Variants in EXOC6B observed in about 807,000 individuals in gnomAD.
The protein encoded by EXOC6B is SEC15 homolog B.
EXOC6B carries 54 observed loss-of-function variants against 113.5 expected under a neutral mutation model. The observed-to-expected ratio is 0.48, with a 90% CI of 0.38 to 0.60. The LOEUF (loss-of-function observed/expected upper bound fraction) is 0.60, where lower values mean the gene tolerates loss of function less well. EXOC6B is among the 20% of genes least tolerant of loss of function. EXOC6B has a pLI of 0.00. For synonymous variants in EXOC6B, 357 were observed against 339.0 expected, an observed-to-expected ratio of 1.05 and a Z score of -0.58; for missense variants, 797 against 977.5, an observed-to-expected ratio of 0.82 and a Z score of 2.46.
rs892375324 is a variant in EXOC6B at position 72,492,533 on chromosome 2, G to A, written c.1554-104C>T. The A allele has an allele frequency of 4.8e-6, 3 of 624,340 alleles. No homozygotes were observed. In the African/African-American group the frequency reaches 5.5e-5, roughly 11 times the overall value. 38.7% of individuals were successfully genotyped at this position (624,340 alleles called of 1,614,324 possible). ...TGGTAATAATAATAAAATAATAATAGCAGCAGCAAATAATACTTATTGTAA... is the reference window on the plus strand; with the variant it reads ...TGGTAATAATAATAAAATAATAATAACAGCAGCAAATAATACTTATTGTAA... On this transcript the variant is annotated intron_variant, in intron 15 of 21. Coordinates refer to ENST00000272427, the MANE Select transcript of EXOC6B (RefSeq NM_015189.3).
chr2:72,347,964 A>G (rs535286049), intron 19 of EXOC6B, among the ~76,000 whole-genome samples: 5 of 152,328 alleles, frequency 3.3e-5, no homozygotes, highest in Admixed American at 1.3e-4. Context: ...GGAAATGCCC[A>G]TGATACTACA....
intron 1 of EXOC6B, among the ~76,000 whole-genome samples, chr2:72,745,399 A>G (rs1359279447): frequency 2.0e-5 from 3 of 152,158 alleles, no homozygotes; most frequent in African/African-American, 7.2e-5. Context: ...CTCTTTAATT[A>G]TTATGCAGAA....
chr2:72,793,579 G>C (rs1018684361), intron 1 of EXOC6B, among the ~76,000 whole-genome samples: 16 of 152,296 alleles, frequency 1.1e-4, no homozygotes, highest in African/African-American at 3.6e-4. Context: ...GACTGAACTA[G>C]CTGGAGGAGT....
intron 6 of EXOC6B, among the ~76,000 whole-genome samples, chr2:72,636,377 G>GAAGGAAGGAAGGAAGC (rs1423538257): frequency 8.7e-4 from 127 of 146,244 alleles, no homozygotes; most frequent in African/African-American, 3.1e-3. Flanking sequence ...AGGAAGCAAG[G>GAAGGAAGGAAGGAAGC]AAGCAAGGAA....
At chr2:72,823,479 CA>C (rs1214480106) in intron 1 of EXOC6B, among the ~76,000 whole-genome samples, 1 of 95,344 alleles carries the variant, frequency 1.0e-5, no homozygotes, top group Non-Finnish European at 1.8e-5. Context: ...AAAAAAAAAA[CA>C]AAAAACAAAA....
chr2:72,463,605 T>A (rs1697850801), intron 18 of EXOC6B: 1 of 152,108 alleles, frequency 6.6e-6, no homozygotes, highest in Admixed American at 6.6e-5. Context: ...CAGTTAGAGG[T>A]TTGAGGACTA....
intron 19 of EXOC6B, among the ~76,000 whole-genome samples, chr2:72,352,385 C>T (rs1018955005): frequency 3.9e-5 from 6 of 152,138 alleles, no homozygotes; most frequent in African/African-American, 1.4e-4. Flanking sequence ...TTTGGAACGT[C>T]AGGTTTTCTA....
intron 1 of EXOC6B, among the ~76,000 whole-genome samples, chr2:72,818,824 A>T (rs1259656929): frequency 1.3e-5 from 2 of 152,084 alleles, no homozygotes; most frequent in Non-Finnish European, 1.5e-5. Context: ...TCCCCTTTGT[A>T]TGGAAGGTAT....
rs35008092 is a variant in EXOC6B at position 72,619,966 on chromosome 2, A to G, written c.670-44298T>C. Among the ~76,000 whole-genome samples the G allele has an allele frequency of 6.3e-3, 962 of 152,352 alleles. 3 individuals are homozygous for G. The highest frequency in any genetic ancestry group is 0.01 in the Non-Finnish European group (708 of 68,040). On this transcript the variant is annotated intron_variant, in intron 6 of 21. Transcript: ENST00000272427. ...GACTTCCCATATCCCTCTGGCAGGC[A>G]CTGCCCCAACTGACCTCTGATGAAG...
chr2:72,583,804 A>G (rs1705375225), intron 6 of EXOC6B, among the ~76,000 whole-genome samples: 1 of 151,782 alleles, frequency 6.6e-6, no homozygotes, highest in South Asian at 2.1e-4. Context: ...CACTGCAACC[A>G]CCACCTCCTG....
intron 20 of EXOC6B, among the ~76,000 whole-genome samples, chr2:72,286,663 T>C (rs1157891775): frequency 2.0e-5 from 3 of 152,146 alleles, no homozygotes; most frequent in Non-Finnish European, 4.4e-5. Flanking sequence ...GATAATGATA[T>C]GTCAGTGTAG....
At chr2:72,232,661 A>G (rs1681700592) in intron 20 of EXOC6B, among the ~76,000 whole-genome samples, 2 of 152,364 alleles carry the variant, frequency 1.3e-5, no homozygotes, top group South Asian at 4.1e-4. Flanking sequence ...AGATGCTCAT[A>G]ACATTAAGTG....
At chr2:72,505,503 A>G (rs1700550653) in intron 11 of EXOC6B, among the ~76,000 whole-genome samples, 1 of 152,182 alleles carries the variant, frequency 6.6e-6, no homozygotes, top group Non-Finnish European at 1.5e-5. Flanking sequence ...GTCTTAAGGA[A>G]TCTCTCACTT....
intron 8 of EXOC6B, among the ~76,000 whole-genome samples, chr2:72,552,327 G>A (rs751989033): frequency 2.6e-5 from 4 of 152,200 alleles, no homozygotes; most frequent in South Asian, 2.1e-4. Context: ...CCAAACATAC[G>A]ATTGAAGAGA....
At chr2:72,608,228 G>A (rs551490248) in intron 6 of EXOC6B, among the ~76,000 whole-genome samples, 28 of 152,210 alleles carry the variant, frequency 1.8e-4, no homozygotes, top group East Asian at 1.2e-3. Context: ...TGGAAAAGCC[G>A]TAAGAAGTTC....
At position 72,825,271 on chromosome 2, in the gene EXOC6B, C is replaced by T. The variant is rs149560492; in HGVS notation, c.113+527G>A. The stretch of plus-strand genomic sequence containing the variant: ...GCAGGGATAAAGGAGCAGCGGCTCC[C>T]AGGAGAGGGGCGCGGGTTGGGGAAA... On this transcript the variant is annotated intron_variant, in intron 1 of 21. Transcript: ENST00000272427. This position sits in a 1 kb window ranked among gnomAD's most constrained non-coding sequence, Gnocchi z 4.4. Among the ~76,000 whole-genome samples, 342 of 152,230 alleles carry T rather than the reference C, an allele frequency of 2.2e-3. No homozygotes were observed. The Middle Eastern group carries it at 0.031, about 14-fold the overall frequency.
intron 5 of EXOC6B, among the ~76,000 whole-genome samples, chr2:72,721,365 A>T (rs1421169240): frequency 3.8e-5 from 3 of 78,326 alleles, no homozygotes; most frequent in African/African-American, 4.4e-4. Flanking sequence ...TTGTTTTTGT[A>T]AAAAAAAAAA....
At chr2:72,407,079 A>G (rs1447133330) in intron 18 of EXOC6B, among the ~76,000 whole-genome samples, 1 of 152,252 alleles carries the variant, frequency 6.6e-6, no homozygotes. Flanking sequence ...AGAGAATACT[A>G]TAAACACCTC....
chr2:72,364,766 C>T (rs1335203379), intron 19 of EXOC6B, among the ~76,000 whole-genome samples: 1 of 150,468 alleles, frequency 6.6e-6, no homozygotes, highest in Non-Finnish European at 1.5e-5. Flanking sequence ...ATCCTTCATC[C>T]CTGTTTATCT....
Sources: allele counts gnomAD v4.1 joint callset (sites outside exome capture counted in the v4.1 genomes callset), GRCh38; gene constraint gnomAD v4.1.1; non-coding constraint Gnocchi (gnomAD v3.1); transcripts MANE v1.5; gene names NCBI Gene and HGNC (gene_info 2026-07-23, HGNC 2026-07-21).